The following DLEC1 variants were observed in gnomAD, a reference collection of about 807,000 sequenced individuals.
DLEC1 encodes the protein deleted in lung and esophageal cancer protein 1.
DLEC1 carries 146 observed loss-of-function variants against 198.1 expected under a neutral mutation model. The observed-to-expected ratio is 0.74, with a 90% CI of 0.64 to 0.85. DLEC1 has a LOEUF of 0.85. Ranked by LOEUF, DLEC1 falls within the 40% of genes least tolerant of loss-of-function variation. The pLI is 0.00. For missense variants in DLEC1, 2,233 were observed against 2,220.0 expected, an observed-to-expected ratio of 1.01 and a Z score of -0.12; for synonymous variants, 897 against 866.8, an observed-to-expected ratio of 1.03 and a Z score of -0.61.
intron 6 of DLEC1, among the ~76,000 whole-genome samples, chr3:38,066,605 A>C: frequency 6.6e-6 from 1 of 152,098 alleles, no homozygotes; most frequent in East Asian, 1.9e-4. Context: ...GAAGCTTCCC[A>C]CCTTCTTGGG....
Position 38,116,500 on chromosome 3 carries a change from C to G in DLEC1, c.3904C>G (p.Arg1302Gly), listed in dbSNP as rs754911372. 1.2e-6 allele frequency: 2 copies of G among 1,613,972 alleles called. No homozygotes were observed. The highest frequency in any genetic ancestry group is 1.3e-5 in the African/African-American group (1 of 74,880). Residue 1302 changes from arginine to glycine, a missense_variant, in exon 28 of 37, where the codon CGG (arginine) becomes GGG (glycine). By Grantham distance (125) the Arg-to-Gly change is moderately radical. Transcript: ENST00000308059. ...ETYVPEDKEDRLVELLVFYGP... is the reference protein window; with the variant it reads ...ETYVPEDKEDGLVELLVFYGP... ...CTATGTTCCAGAAGACAAGGAAGACCGGCTGGTGGAGCTGCTGGTGTTTTA... is the reference window on the plus strand; with the variant it reads ...CTATGTTCCAGAAGACAAGGAAGACGGGCTGGTGGAGCTGCTGGTGTTTTA...
chr3:38,046,607 G>A (rs1700897884), intron 2 of DLEC1, among the ~76,000 whole-genome samples: 1 of 152,136 alleles, frequency 6.6e-6, no homozygotes, highest in African/African-American at 2.4e-5. Flanking sequence ...ATTCATAGCA[G>A]TATGAAAATG....
chr3:38,100,537 G>C lies in DLEC1; in HGVS notation c.2864+112G>C, dbSNP rs894631348. On this transcript the variant is annotated intron_variant, in intron 19 of 36. Transcript: ENST00000308059. ...TCTGGATTTAAAACTATTGAATCCA[G>C]AAAATTAGTATTCTATAAAATTTGT... 2.3e-6 allele frequency: 3 copies of C among 1,333,180 alleles called. No homozygotes were observed. In the African/African-American group the frequency reaches 4.5e-5, roughly 20 times the overall value. 82.6% of individuals were successfully genotyped at this position (1,333,180 alleles called of 1,614,324 possible).
At chr3:38,087,136 G>C (rs913387615) in intron 9 of DLEC1, among the ~76,000 whole-genome samples, 16 of 152,144 alleles carry the variant, frequency 1.1e-4, no homozygotes, top group Admixed American at 2.6e-4. Context: ...TTGAAAAACT[G>C]GAAGATATGA....
intron 6 of DLEC1, among the ~76,000 whole-genome samples, chr3:38,081,626 C>T (rs1484272695): frequency 9.9e-6 from 1 of 101,392 alleles, no homozygotes; most frequent in Admixed American, 9.4e-5. Context: ...GCTGACCCCC[C>T]CACCTCCCTC....
At position 38,116,653 on chromosome 3, in the gene DLEC1, T is replaced by A; in HGVS notation, c.4057T>A (p.Ser1353Thr). ...SSSEFSHETD[S>T]SVEGSSSASN... Reference sequence around the variant, plus strand: ...ATCGGAATTCAGCCATGAAACTGACTCATCAGTGAGCAGGGGTGGAGGGGC... The same window carrying A: ...ATCGGAATTCAGCCATGAAACTGACACATCAGTGAGCAGGGGTGGAGGGGC... Residue 1353 changes from serine to threonine, a missense_variant, in exon 28 of 37, where the codon TCA (serine) becomes ACA (threonine). Ser to Thr is a moderately conservative substitution (Grantham distance 58). Coordinates refer to ENST00000308059, the MANE Select transcript of DLEC1 (RefSeq NM_007335.4). The A allele has an allele frequency of 6.2e-7, 1 of 1,614,024 alleles. No homozygotes were observed. Among genetic ancestry groups the A allele is most frequent in the Non-Finnish European group, 8.5e-7 (1 of 1,179,944 alleles).
chr3:38,121,859 T>G (rs1385430118), intron 35 of DLEC1, 78 bp downstream of exon 35: 1 of 1,555,384 alleles, frequency 6.4e-7, no homozygotes, highest in Non-Finnish European at 8.7e-7. Flanking sequence ...AAGGGGCCCC[T>G]GTGCGCCGTC....
chr3:38,101,876 G>A (rs889727333), intron 19 of DLEC1, among the ~76,000 whole-genome samples: 1 of 152,152 alleles, frequency 6.6e-6, no homozygotes, highest in East Asian at 1.9e-4. Flanking sequence ...TTTCTATTAA[G>A]TCTGTGCTTA....
In DLEC1 at chr3:38,092,955, A is replaced by G; in HGVS notation, c.1756+75A>G. 3 of 1,366,314 alleles carry G rather than the reference A, an allele frequency of 2.2e-6. No individual in the cohort carries two copies. The South Asian group carries it at 3.5e-5, about 16-fold the overall frequency. The allele number at this position is 1,366,314 out of a possible 1,614,324, so 84.6% of individuals were successfully genotyped here. On this transcript the variant is annotated intron_variant, in intron 11 of 36. Coordinates refer to ENST00000308059, the MANE Select transcript of DLEC1 (RefSeq NM_007335.4). ...TCCAGGGGCCACTGACCACAGTAGC[A>G]TTAGCGGCAGCCCACCTGTTTCCTG...
In DLEC1 at chr3:38,059,765, A is replaced by G. The variant is rs775929039; in HGVS notation, c.586A>G (p.Ile196Val). ...AGTGAAGAGTGTCTCCAGATGGTGTATAGACAGCGAGTTGCTACGGAAACA... is the reference window on the plus strand; with the variant it reads ...AGTGAAGAGTGTCTCCAGATGGTGTGTAGACAGCGAGTTGCTACGGAAACA... Reference protein sequence around the residue: ...PPVKSVSRWCIDSELLRKHHL... With the variant: ...PPVKSVSRWCVDSELLRKHHL... Residue 196 changes from isoleucine to valine, a missense_variant, in exon 3 of 37, where the codon ATA becomes GTA. By Grantham distance (29) the Ile-to-Val change is conservative (BLOSUM62 3). Transcript: ENST00000308059. 9.9e-6 allele frequency: 16 copies of G among 1,614,036 alleles called. No homozygotes were observed. Among genetic ancestry groups the G allele is most frequent in the Middle Eastern group, 1.6e-4 (1 of 6,084 alleles).
At chr3:38,084,995 C>A (rs995415934) in intron 7 of DLEC1, among the ~76,000 whole-genome samples, 1 of 152,210 alleles carries the variant, frequency 6.6e-6, no homozygotes, top group African/African-American at 2.4e-5. Flanking sequence ...TCTCTGCTAT[C>A]CACCAAAGAA....
At chr3:38,084,512 A>AGTG (rs1559430592) in intron 7 of DLEC1, among the ~76,000 whole-genome samples, 1 of 30,254 alleles carries the variant, frequency 3.3e-5, no homozygotes, top group Non-Finnish European at 7.5e-5. Flanking sequence ...TGGTAGTAGT[A>AGTG]GTAGTGGTAG....
chr3:38,090,165 C>T (rs946990802), intron 10 of DLEC1, among the ~76,000 whole-genome samples: 14 of 152,256 alleles, frequency 9.2e-5, no homozygotes, highest in South Asian at 2.1e-4. Context: ...CACTGTACTC[C>T]AGCCTGGGCA....
chr3:38,075,284 C>G (rs1025827673), intron 6 of DLEC1, among the ~76,000 whole-genome samples: 3 of 152,084 alleles, frequency 2.0e-5, no homozygotes, highest in Non-Finnish European at 4.4e-5. Context: ...GCACCTCAGA[C>G]CATTTGCCTA....
At position 38,054,338 on chromosome 3, in the gene DLEC1, C is replaced by T. The variant is rs148294878; in HGVS notation, c.563-5404C>T. 4.7e-4 allele frequency among the ~76,000 whole-genome samples: 72 copies of T among 152,316 alleles called. 1 individual carries two copies. In the East Asian group the frequency reaches 7.9e-3, roughly 17 times the overall value. On this transcript the variant is annotated intron_variant, in intron 2 of 36. Coordinates refer to ENST00000308059, the MANE Select transcript of DLEC1 (RefSeq NM_007335.4). ...TGCCTCCATGAGGGCAGCGTGCAGGCGCCTGGAGGCACTGACGTTTTTCTG... is the reference window on the plus strand; with the variant it reads ...TGCCTCCATGAGGGCAGCGTGCAGGTGCCTGGAGGCACTGACGTTTTTCTG...
intron 2 of DLEC1, among the ~76,000 whole-genome samples, chr3:38,054,330 C>T (rs1434845155): frequency 3.3e-5 from 5 of 152,234 alleles, no homozygotes; most frequent in African/African-American, 7.2e-5. Context: ...ATGAGGGCAG[C>T]GTGCAGGCGC....
chr3:38,121,554 C>A, intron 34 of DLEC1, 74 bp from the exon 35 acceptor site: 1 of 1,537,538 alleles, frequency 6.5e-7, no homozygotes, highest in Non-Finnish European at 8.7e-7. Context: ...TTGGGGTCAG[C>A]AGGGTTCTGT....
Position 38,112,429 on chromosome 3 carries a change from TCTCCCCTCCA to T in DLEC1, c.3666+69_3666+78del. On this transcript the variant is annotated intron_variant, in intron 25 of 36. Coordinates refer to ENST00000308059, the MANE Select transcript of DLEC1 (RefSeq NM_007335.4). The surrounding 1 kb of genome is among the most constrained non-coding windows in gnomAD (Gnocchi z 4.8). ...CTGCCCAGCCCTCGCCTTCAGCCTC[TCTCCCCTCCA>T]ACACCTGGCCCTCAGACTCTCAAAC... The T allele has an allele frequency of 6.3e-7, 1 of 1,588,398 alleles. No individual in the cohort carries two copies. Among genetic ancestry groups the T allele is most frequent in the Non-Finnish European group, 8.6e-7 (1 of 1,161,854 alleles).
rs371878341 is a variant in DLEC1, at chr3:38,045,653, T to C, written c.522T>C (p.Ala174=). 157 of 1,613,960 alleles carry C rather than the reference T, an allele frequency of 9.7e-5. No individual in the cohort carries two copies. Among genetic ancestry groups the C allele is most frequent in the Non-Finnish European group, 7.5e-5 (89 of 1,179,998 alleles). Residue 174 remains alanine (A), a synonymous_variant, in exon 2 of 37, where the codon GCT becomes GCC. Coordinates refer to ENST00000308059, the MANE Select transcript of DLEC1 (RefSeq NM_007335.4). ...AAAATGAGCGGGTCATGAGCCAGGC[T>C]GGAGTACAGGACCTCGAGAGCCTTG... ...IAENERVMSQ[A]GVQDLESLVR...
Sources: gnomAD v4.1 joint callset for allele counts (sites outside exome capture counted in the v4.1 genomes callset) on GRCh38, gnomAD v4.1.1 for gene constraint, Gnocchi (gnomAD v3.1) non-coding constraint, MANE v1.5 for transcripts, NCBI Gene and HGNC (gene_info 2026-07-23, HGNC 2026-07-21) for gene names.